MECOM: variants seen among roughly 807,000 people sequenced by gnomAD.
The protein encoded by MECOM is histone-lysine N-methyltransferase MECOM.
A neutral mutation model predicts 116.3 loss-of-function variants in MECOM; 13 were observed. That is an observed-to-expected ratio of 0.11 (90% CI 0.07 to 0.18). MECOM has a LOEUF of 0.18. MECOM is among the 10% of genes least tolerant of loss of function. MECOM has a pLI of 1.00. For missense variants in MECOM, 1,299 were observed against 1,509.0 expected, an observed-to-expected ratio of 0.86 and a Z score of 2.31; for synonymous variants, 528 against 535.2, an observed-to-expected ratio of 0.99 and a Z score of 0.19.
chr3:169,507,517 G>C (rs1755381993), intron 1 of MECOM, among the ~76,000 whole-genome samples: 1 of 152,012 alleles, frequency 6.6e-6, no homozygotes, highest in Non-Finnish European at 1.5e-5. Flanking sequence ...TCTGCTTTCA[G>C]AAAGAAGGGG....
intron 1 of MECOM, among the ~76,000 whole-genome samples, chr3:169,518,101 T>C (rs1270495975): frequency 1.3e-5 from 2 of 151,760 alleles, no homozygotes; most frequent in African/African-American, 2.4e-5. Context: ...TTACTGAAAA[T>C]ACAAAAAATT....
chr3:169,547,017 G>A (rs547888819), intron 1 of MECOM, among the ~76,000 whole-genome samples: 2 of 152,296 alleles, frequency 1.3e-5, no homozygotes, highest in African/African-American at 4.8e-5. Flanking sequence ...TAAAGACTCT[G>A]TATTCTCAAA....
intron 2 of MECOM, among the ~76,000 whole-genome samples, chr3:169,202,954 A>T (rs1442095251): frequency 1.3e-5 from 2 of 152,080 alleles, no homozygotes; most frequent in East Asian, 1.9e-4. Flanking sequence ...ACTGCAAAGA[A>T]TGATCAAATA....
intron 1 of MECOM, among the ~76,000 whole-genome samples, chr3:169,561,422 C>A (rs932520187): frequency 6.6e-5 from 10 of 152,102 alleles, no homozygotes; most frequent in African/African-American, 2.2e-4. Context: ...AAGAATTTGA[C>A]CTATATGGAA....
intron 2 of MECOM, among the ~76,000 whole-genome samples, chr3:169,317,449 GA>G (rs958628079): frequency 3.9e-5 from 6 of 152,088 alleles, no homozygotes; most frequent in Non-Finnish European, 8.8e-5. Context: ...GGTTTCACTT[GA>G]AAAGGCTATG....
chr3:169,399,910 A>G (rs1735606226), intron 1 of MECOM, among the ~76,000 whole-genome samples: 1 of 152,160 alleles, frequency 6.6e-6, no homozygotes, highest in Admixed American at 6.6e-5. Context: ...CTTACTTGGG[A>G]TCTGATTATG....
intron 1 of MECOM, among the ~76,000 whole-genome samples, chr3:169,562,590 T>G (rs1762783138): frequency 6.6e-6 from 1 of 152,194 alleles, no homozygotes; most frequent in African/African-American, 2.4e-5. Context: ...ATTTGGTGTC[T>G]TAACCTTTCC....
In MECOM at chr3:169,381,518, T is replaced by C. The variant is rs1302165695; in HGVS notation, c.44A>G (p.Glu15Gly). ...TTCAGGGTAGTTGCCATATACACAC[T>C]CATTATCTGTGAATAAATAAGAACT... ...GRARKLATNN[E>G]CVYGNYPEIP... Residue 15 changes from glutamate (E) to glycine (G), a missense_variant, in exon 2 of 17, where the codon GAG (glutamate) becomes GGG (glycine). This residue lies in a region of MECOM where 374 missense variants were observed against 433.4 expected (regional missense o/e 0.86). Transcript: ENST00000651503. The C allele has an allele frequency of 1.3e-6, 2 of 1,578,472 alleles. No homozygotes were observed. The highest frequency in any genetic ancestry group is 1.7e-6 in the Non-Finnish European group (2 of 1,161,254).
chr3:169,086,185 A>G (rs576010901), intron 16 of MECOM, among the ~76,000 whole-genome samples: 45 of 152,258 alleles, frequency 3.0e-4, no homozygotes, highest in East Asian at 9.7e-4. Context: ...TATGTATGCA[A>G]TTTGCCTTTT....
intron 1 of MECOM, among the ~76,000 whole-genome samples, chr3:169,388,506 C>T (rs114290520): frequency 0.017 from 2,512 of 152,028 alleles, 28 homozygotes; most frequent in Non-Finnish European, 0.024. Flanking sequence ...CCCAAAGAAA[C>T]GAAGAAAGGA....
At chr3:169,502,135 T>TGTAG (rs1180411841) in intron 1 of MECOM, among the ~76,000 whole-genome samples, 1 of 152,164 alleles carries the variant, frequency 6.6e-6, no homozygotes, top group African/African-American at 2.4e-5. Flanking sequence ...TACAGTGCTC[T>TGTAG]GATTTCCTTT....
intron 2 of MECOM, among the ~76,000 whole-genome samples, chr3:169,333,964 A>C (rs1418540922): frequency 6.8e-6 from 1 of 147,840 alleles, no homozygotes; most frequent in African/African-American, 2.5e-5. Context: ...CCCAGACGGT[A>C]GCAATTCTGT....
intron 2 of MECOM, among the ~76,000 whole-genome samples, chr3:169,333,918 T>C (rs1042619026): frequency 1.4e-5 from 2 of 138,912 alleles, no homozygotes. Context: ...CCTCCCTTCC[T>C]TCCTTCTTTC....
intron 1 of MECOM, among the ~76,000 whole-genome samples, chr3:169,496,442 C>T (rs557814743): frequency 6.6e-6 from 1 of 152,256 alleles, no homozygotes; most frequent in East Asian, 1.9e-4. Flanking sequence ...TTAAGAATCA[C>T]CATGATCCAT....
At chr3:169,280,766 A>G (rs553222416) in intron 2 of MECOM, among the ~76,000 whole-genome samples, 1 of 152,332 alleles carries the variant, frequency 6.6e-6, no homozygotes, top group South Asian at 2.1e-4. Context: ...ATGACATTGT[A>G]TTTTAGACAG....
chr3:169,138,161 A>G (rs1736945024), intron 3 of MECOM, among the ~76,000 whole-genome samples: 1 of 152,114 alleles, frequency 6.6e-6, no homozygotes, highest in South Asian at 2.1e-4. Flanking sequence ...TGACTTTTAT[A>G]TGCCCTCCCA....
At chr3:169,276,691 T>C (rs1184326736) in intron 2 of MECOM, among the ~76,000 whole-genome samples, 2 of 152,188 alleles carry the variant, frequency 1.3e-5, no homozygotes, top group African/African-American at 2.4e-5. Flanking sequence ...ATCTTCTTTA[T>C]GCCTTTGCAA....
intron 2 of MECOM, among the ~76,000 whole-genome samples, chr3:169,162,743 A>G (rs1743026915): frequency 6.6e-6 from 1 of 152,210 alleles, no homozygotes; most frequent in South Asian, 2.1e-4. Flanking sequence ...CAGATAGATT[A>G]ATTTTCCGAT....
intron 1 of MECOM, among the ~76,000 whole-genome samples, chr3:169,589,907 A>C (rs77375136): frequency 2.0e-5 from 3 of 152,192 alleles, no homozygotes; most frequent in Non-Finnish European, 4.4e-5. Context: ...TCACTGCAAC[A>C]ATTTTGTCAC....
Sources: allele counts gnomAD v4.1 joint callset (sites outside exome capture counted in the v4.1 genomes callset), GRCh38; gene constraint gnomAD v4.1.1; regional missense constraint gnomAD v4.1.1; transcripts MANE v1.5; gene names NCBI Gene and HGNC (gene_info 2026-07-23, HGNC 2026-07-21).